The following MPRIP variants were observed in gnomAD, a reference collection of about 807,000 sequenced individuals.
The protein encoded by MPRIP is myosin phosphatase Rho-interacting protein.
In MPRIP, 59 loss-of-function variants were observed where a neutral mutation model predicts 234.9. The observed-to-expected ratio is 0.25, with a 90% confidence interval of 0.20 to 0.31. MPRIP has a LOEUF of 0.31. Ranked by LOEUF, MPRIP falls within the 10% of genes least tolerant of loss-of-function variation. MPRIP has a pLI of 1.00. For missense variants in MPRIP, 2,436 were observed against 3,071.0 expected, an observed-to-expected ratio of 0.79 and a Z score of 4.89; for synonymous variants, 1,144 against 1,263.9, an observed-to-expected ratio of 0.91 and a Z score of 2.01.
rs1394220566 is a variant in MPRIP, at chr17:17,189,723, G to A, written c.*4829G>A. On this transcript the variant is annotated 3_prime_UTR_variant, in exon 24 of 24. Coordinates refer to ENST00000651222, the MANE Select transcript of MPRIP (RefSeq NM_001364716.4). ...TCCTGGCTAGGGGAGCCATAGGTCT[G>A]TTGTACAAGGAATTTGCTTTCTAAA... 6.6e-6 allele frequency: 1 copy of A among 152,222 alleles called. No homozygotes were observed. Among genetic ancestry groups the A allele is most frequent in the Non-Finnish European group, 1.5e-5 (1 of 68,038 alleles). 9.4% of individuals were successfully genotyped at this position (152,222 alleles called of 1,614,324 possible). A position where few individuals can be genotyped will look rare whatever the true frequency, so the allele number is the denominator to read the frequency against.
intron 14 of MPRIP, among the ~76,000 whole-genome samples, chr17:17,159,331 C>T (rs1389912417): frequency 2.0e-5 from 3 of 152,222 alleles, no homozygotes; most frequent in Non-Finnish European, 2.9e-5. Context: ...GCAGGAGGGG[C>T]GCGAGCAGGG....
At chr17:17,176,548 A>T in intron 21 of MPRIP, 36 bp downstream of exon 21, 1 of 1,533,124 alleles carries the variant, frequency 6.5e-7, no homozygotes, top group Non-Finnish European at 9.0e-7. Context: ...CGGGTACGGG[A>T]ACAGGCTCTA....
At chr17:17,096,781 G>A (rs1410330575) in intron 3 of MPRIP, 2 of 471,044 alleles carry the variant, frequency 4.2e-6, no homozygotes, top group African/African-American at 4.0e-5. Context: ...TCTTCCCAGT[G>A]ACTCTCCTTG....
At chr17:17,144,865 A>G (rs578137659) in intron 9 of MPRIP, among the ~76,000 whole-genome samples, 1 of 152,342 alleles carries the variant, frequency 6.6e-6, no homozygotes, top group African/African-American at 2.4e-5. Context: ...AAAAAAAAGA[A>G]AGATCTGCAA....
At chr17:17,079,902 G>A (rs991740098) in intron 3 of MPRIP, among the ~76,000 whole-genome samples, 4 of 152,218 alleles carry the variant, frequency 2.6e-5, no homozygotes, top group African/African-American at 4.8e-5. Flanking sequence ...TTAGCCAGGA[G>A]CACCGACACT....
rs189289445 is a variant in MPRIP at position 17,133,286 on chromosome 17, G to A, written c.504+1585G>A. ...TCTCTCCTTTCTACCCTTTGGTCCCGAGAGCATCCCATTTGAGGCTGCTTG... is the reference window on the plus strand; with the variant it reads ...TCTCTCCTTTCTACCCTTTGGTCCCAAGAGCATCCCATTTGAGGCTGCTTG... On this transcript the variant is annotated intron_variant, in intron 5 of 23. Coordinates refer to ENST00000651222, the MANE Select transcript of MPRIP (RefSeq NM_001364716.4). Among the ~76,000 whole-genome samples, 429 of 152,284 alleles carry A rather than the reference G, an allele frequency of 2.8e-3. 1 individual carries two copies. Among genetic ancestry groups the A allele is most frequent in the South Asian group, 7.0e-3 (34 of 4,828 alleles).
rs879325540 is a variant in MPRIP at position 17,138,256 on chromosome 17, C to T, written c.1077C>T (p.Ser359=). The T allele has an allele frequency of 2.8e-5, 15 of 535,622 alleles. No homozygotes were observed. The highest frequency in any genetic ancestry group is 1.2e-4 in the African/African-American group (6 of 50,580). 33.2% of individuals were successfully genotyped at this position (535,622 alleles called of 1,614,324 possible). A position where few individuals can be genotyped will look rare whatever the true frequency, so the allele number is the denominator to read the frequency against. ...TRGRGTERLG[S]AFAFKASRQY... The stretch of plus-strand genomic sequence containing the variant: ...GGCGGGGGACAGAGAGACTGGGGAG[C>T]GCCTTTGCCTTTAAAGCCAGCAGGC... The change falls in exon 7 of 24, where the codon AGC becomes AGT. Residue 359 remains serine (S), a synonymous_variant. Transcript: ENST00000651222. This position sits in a 1 kb window ranked among gnomAD's most constrained non-coding sequence, Gnocchi z 5.8.
chr17:17,095,378 C>T (rs1037462444), intron 3 of MPRIP, among the ~76,000 whole-genome samples: 7 of 152,124 alleles, frequency 4.6e-5, no homozygotes, highest in African/African-American at 1.4e-4. Flanking sequence ...AGGCAGGGCA[C>T]CAGTTTGTTT....
rs184537346 is a variant in MPRIP, at chr17:17,160,596, G to A, written c.2401-644G>A. Among the ~76,000 whole-genome samples, 25 of 152,332 alleles carry A rather than the reference G, an allele frequency of 1.6e-4. No individual in the cohort carries two copies. In the East Asian group the frequency reaches 4.4e-3, roughly 27 times the overall value. Reference sequence around the variant, plus strand: ...GCTGAAGCTGTTGAAAGCAAGAAGAGTGTAAAATAGCTTACTCATGGGTAT... The same window carrying A: ...GCTGAAGCTGTTGAAAGCAAGAAGAATGTAAAATAGCTTACTCATGGGTAT... On this transcript the variant is annotated intron_variant, in intron 14 of 23. Coordinates refer to ENST00000651222, the MANE Select transcript of MPRIP (RefSeq NM_001364716.4).
At chr17:17,121,664 T>C (rs2090391866) in intron 3 of MPRIP, among the ~76,000 whole-genome samples, 1 of 152,210 alleles carries the variant, frequency 6.6e-6, no homozygotes, top group African/African-American at 2.4e-5. Context: ...TTTCTTTTTC[T>C]TTTTCTTTTT....
At chr17:17,074,994 G>A (rs995214385) in intron 1 of MPRIP, among the ~76,000 whole-genome samples, 2 of 152,152 alleles carry the variant, frequency 1.3e-5, no homozygotes, top group Non-Finnish European at 2.9e-5. Context: ...TTTCTTGGGT[G>A]TGTATACATA....
chr17:17,091,587 T>G (rs2089719235), intron 3 of MPRIP, among the ~76,000 whole-genome samples: 2 of 152,192 alleles, frequency 1.3e-5, no homozygotes. Flanking sequence ...ATGCGGCTGG[T>G]TGTCCCAGAA....
intron 3 of MPRIP, among the ~76,000 whole-genome samples, chr17:17,079,770 T>G (rs2089420042): frequency 6.6e-6 from 1 of 152,234 alleles, no homozygotes; most frequent in South Asian, 2.1e-4. Flanking sequence ...GCAAAATCCA[T>G]TATTCCCTCT....
chr17:17,056,643 A>C (rs1430521140), intron 1 of MPRIP, among the ~76,000 whole-genome samples: 1 of 151,994 alleles, frequency 6.6e-6, no homozygotes, highest in Non-Finnish European at 1.5e-5. Flanking sequence ...AAATTCACGC[A>C]ACATAAAATT....
At chr17:17,123,583 A>AG (rs2090433483) in intron 3 of MPRIP, among the ~76,000 whole-genome samples, 2 of 151,980 alleles carry the variant, frequency 1.3e-5, no homozygotes, top group South Asian at 4.2e-4. Flanking sequence ...ATGCATCTGT[A>AG]GTCCCAGCTA....
chr17:17,174,158 G>A, intron 19 of MPRIP, 83 bp downstream of exon 19: 2 of 1,497,320 alleles, frequency 1.3e-6, no homozygotes, highest in Non-Finnish European at 1.8e-6. Flanking sequence ...GTCCACACTG[G>A]AGCTGGAGCC....
intron 3 of MPRIP, among the ~76,000 whole-genome samples, chr17:17,080,994 A>T (rs2089449355): frequency 6.6e-6 from 1 of 152,162 alleles, no homozygotes; most frequent in Non-Finnish European, 1.5e-5. Flanking sequence ...GGCACTCCCT[A>T]CGTGGTGCCC....
At chr17:17,088,277 C>T (rs1280633783) in intron 3 of MPRIP, among the ~76,000 whole-genome samples, 1 of 152,206 alleles carries the variant, frequency 6.6e-6, no homozygotes, top group African/African-American at 2.4e-5. Flanking sequence ...CCTTGCTGGT[C>T]TATCTTCAGA....
At chr17:17,147,439 C>T (rs370948360) in intron 11 of MPRIP, 52 bp downstream of exon 11, 31 of 1,548,700 alleles carry the variant, frequency 2.0e-5, no homozygotes, top group Admixed American at 1.0e-4. Context: ...GGGGTCCAGG[C>T]GGCATCTGGG....
Sources: allele counts gnomAD v4.1 joint callset (sites outside exome capture counted in the v4.1 genomes callset), GRCh38; gene constraint gnomAD v4.1.1; non-coding constraint Gnocchi (gnomAD v3.1); transcripts MANE v1.5; gene names NCBI Gene and HGNC (gene_info 2026-07-23, HGNC 2026-07-21).